Variants in ASB17 observed in about 807,000 individuals in gnomAD.
The protein encoded by ASB17 is ankyrin repeat and SOCS box protein 17.
ASB17 carries 26 observed loss-of-function variants against 25.7 expected under a neutral mutation model. That is an observed-to-expected ratio of 1.01 (90% CI 0.74 to 1.40). The LOEUF (loss-of-function observed/expected upper bound fraction) is 1.40. Among genes scored for constraint, ASB17 ranks in the 40% most tolerant of loss-of-function variants. ASB17 has a pLI of 0.00. For missense variants in ASB17, 326 were observed against 338.5 expected, an observed-to-expected ratio of 0.96 and a Z score of 0.29; for synonymous variants, 128 against 121.4, an observed-to-expected ratio of 1.05 and a Z score of -0.36.
At chr1:75,931,485 A>T (rs747544828) in intron 1 of ASB17, among the ~76,000 whole-genome samples, 1 of 152,220 alleles carries the variant, frequency 6.6e-6, no homozygotes, top group Non-Finnish European at 1.5e-5. Flanking sequence ...ATTGTGTTTA[A>T]TAAGTATTAC....
In ASB17 at chr1:75,922,308, G is replaced by A. The variant is rs964711557; in HGVS notation, c.453C>T (p.Leu151=). Residue 151 remains leucine, a synonymous_variant, in exon 2 of 3, where the codon CTC becomes CTT. Coordinates refer to ENST00000284142, the MANE Select transcript of ASB17 (RefSeq NM_080868.3). ...ACTGTCTTGTCTGAGCTACATAAAAGAGAGGTGTGATGCCACTTAATGGGC... is the reference window on the plus strand; with the variant it reads ...ACTGTCTTGTCTGAGCTACATAAAAAAGAGGTGTGATGCCACTTAATGGGC... ...CPSPLSGITP[L]FYVAQTRQSN... is the part of the protein sequence containing the mutation. 3 of 1,613,474 alleles carry A rather than the reference G, an allele frequency of 1.9e-6. No individual in the cohort carries two copies. In the South Asian group the frequency reaches 3.3e-5, roughly 18 times the overall value.
At position 75,922,181 on chromosome 1, in the gene ASB17, C is replaced by T; in HGVS notation, c.580G>A (p.Val194Ile). The T allele has an allele frequency of 2.5e-6, 4 of 1,613,848 alleles. No homozygotes were observed. Among genetic ancestry groups the T allele is most frequent in the Non-Finnish European group, 3.4e-6 (4 of 1,179,820 alleles). ...TCAGCCAATTCACGATCAACCATTA[C>T]TCTTACTCTCGAAGGGTAGAGTACT... ...TIVLYPSRVR[V>I]MVDRELADIH... The change falls in exon 2 of 3, where the codon GTA (valine) becomes ATA (isoleucine). Residue 194 changes from valine (V) to isoleucine (I), a missense_variant. Coordinates refer to ENST00000284142, the MANE Select transcript of ASB17 (RefSeq NM_080868.3).
chr1:75,919,417 G>A (rs953148335), intron 2 of ASB17, among the ~76,000 whole-genome samples: 1 of 151,692 alleles, frequency 6.6e-6, no homozygotes, highest in African/African-American at 2.4e-5. Context: ...TTAAGTTTTA[G>A]GGTACATGTG....
At chr1:75,919,601 T>C (rs1188367635) in intron 2 of ASB17, among the ~76,000 whole-genome samples, 2 of 152,168 alleles carry the variant, frequency 1.3e-5, no homozygotes, top group East Asian at 3.8e-4. Context: ...GTGTTCTCAT[T>C]GTTCAGTTCC....
chr1:75,922,701 G>A (rs759474319), intron 1 of ASB17, among the ~76,000 whole-genome samples: 3 of 151,808 alleles, frequency 2.0e-5, no homozygotes, highest in Non-Finnish European at 2.9e-5. Flanking sequence ...TCTCCATGTT[G>A]GTCAGTCTAG....
intron 1 of ASB17, 60 bp downstream of exon 1, chr1:75,931,831 A>G: frequency 6.9e-7 from 1 of 1,450,462 alleles, no homozygotes; most frequent in Non-Finnish European, 9.2e-7. Context: ...AAAAAGAAGC[A>G]CTCTACTCTC....
At chr1:75,931,430 A>C (rs1177851307) in intron 1 of ASB17, among the ~76,000 whole-genome samples, 1 of 152,188 alleles carries the variant, frequency 6.6e-6, no homozygotes, top group Non-Finnish European at 1.5e-5. Context: ...AATTTGGAGA[A>C]TTTGGAGTCT....
chr1:75,925,324 G>C (rs1169403810), intron 1 of ASB17, among the ~76,000 whole-genome samples: 1 of 151,984 alleles, frequency 6.6e-6, no homozygotes, highest in Non-Finnish European at 1.5e-5. Flanking sequence ...AACCTTATAA[G>C]TATGGGAATT....
chr1:75,925,421 A>G (rs1264080503), intron 1 of ASB17, among the ~76,000 whole-genome samples: 1 of 152,164 alleles, frequency 6.6e-6, no homozygotes, highest in Non-Finnish European at 1.5e-5. Context: ...TAAGATTGAC[A>G]TTACCTTTAG....
chr1:75,931,741 T>A, intron 1 of ASB17, 150 bp downstream of exon 1: 1 of 576,310 alleles, frequency 1.7e-6, no homozygotes, highest in South Asian at 3.1e-5. Context: ...AATAAAAGAG[T>A]GAAGGAGTGA....
In ASB17 at chr1:75,932,358, A is replaced by G; in HGVS notation, c.-67T>C. The G allele has an allele frequency of 7.0e-7, 1 of 1,420,948 alleles. No individual in the cohort carries two copies. The highest frequency in any genetic ancestry group is 2.3e-5 in the East Asian group (1 of 43,374). The allele number at this position is 1,420,948 out of a possible 1,614,324, so 88.0% of individuals were successfully genotyped here. A position where few individuals can be genotyped will look rare whatever the true frequency, so the allele number is the denominator to read the frequency against. ...GCATACTGTAATCCTCCAGTTACAT[A>G]TTTTGACAATGTGGCAGGCTTTACT... On this transcript the variant is annotated 5_prime_UTR_variant, in exon 1 of 3. Coordinates refer to ENST00000284142, the MANE Select transcript of ASB17 (RefSeq NM_080868.3).
chr1:75,930,716 G>A (rs1184589048), intron 1 of ASB17, among the ~76,000 whole-genome samples: 4 of 151,922 alleles, frequency 2.6e-5, no homozygotes, highest in Non-Finnish European at 5.9e-5. Context: ...TTCATTTTCT[G>A]TCCAGCTTTC....
intron 1 of ASB17, 93 bp downstream of exon 1, chr1:75,931,798 C>A: frequency 8.7e-7 from 1 of 1,143,044 alleles, no homozygotes; most frequent in Non-Finnish European, 1.2e-6. Flanking sequence ...TCACATATAG[C>A]CACTATACAT....
Position 75,922,332 on chromosome 1 carries a change from G to A in ASB17, c.429C>T (p.Ser143=), listed in dbSNP as rs192994746. 5 of 1,612,452 alleles carry A rather than the reference G, an allele frequency of 3.1e-6. No individual in the cohort carries two copies. The highest frequency in any genetic ancestry group is 2.2e-5 in the East Asian group (1 of 44,822). The part of the protein sequence containing the change: ...WRTFTPVYCP[S]PLSGITPLFY... ...AGAGAGGTGTGATGCCACTTAATGG[G>A]CTTGGACAGTATACTGGTGTGAAAG... is the stretch of plus-strand genomic sequence containing the variant. Residue 143 remains serine (S), a synonymous_variant, in exon 2 of 3, where the codon AGC becomes AGT. Transcript: ENST00000284142.
intron 2 of ASB17, 24 bp from the exon 3 acceptor site, chr1:75,919,182 CT>C: frequency 2.6e-6 from 4 of 1,544,894 alleles, no homozygotes; most frequent in Non-Finnish European, 3.5e-6. Flanking sequence ...AAATATTTTA[CT>C]TTTGTAATGT....
chr1:75,921,721 T>C (rs188370048), intron 2 of ASB17, among the ~76,000 whole-genome samples: 230 of 152,260 alleles, frequency 1.5e-3, no homozygotes, highest in African/African-American at 5.2e-3. Context: ...TGGGGAGAAA[T>C]GTAACCCTTA....
At chr1:75,922,467 T>A in intron 1 of ASB17, 108 bp from the exon 2 acceptor site, 1 of 578,104 alleles carries the variant, frequency 1.7e-6, no homozygotes, top group Non-Finnish European at 2.7e-6. Context: ...TTAAATGTCT[T>A]AAATGTAACT....
intron 1 of ASB17, 71 bp downstream of exon 1, chr1:75,931,820 A>G: frequency 7.1e-7 from 1 of 1,411,860 alleles, no homozygotes; most frequent in Non-Finnish European, 9.4e-7. Context: ...TGAGTTTTAG[A>G]AAAAAGAAGC....
At chr1:75,929,562 C>A (rs140328286) in intron 1 of ASB17, among the ~76,000 whole-genome samples, 8 of 152,102 alleles carry the variant, frequency 5.3e-5, no homozygotes, top group African/African-American at 1.9e-4. Context: ...GAATGTTATA[C>A]CCCTTGTATA....
Sources: allele counts gnomAD v4.1 joint callset (sites outside exome capture counted in the v4.1 genomes callset), GRCh38; gene constraint gnomAD v4.1.1; transcripts MANE v1.5; gene names NCBI Gene and HGNC (gene_info 2026-07-23, HGNC 2026-07-21).